Variants in CCNY observed in about 807,000 individuals in gnomAD.
CCNY encodes the protein cyclin-Y.
Under a neutral mutation model 42.8 loss-of-function variants are expected in CCNY, and 19 were observed. The ratio of observed to expected loss-of-function variants is 0.44; its 90% CI spans 0.31 to 0.65. CCNY has a LOEUF of 0.65. Among genes scored for constraint, CCNY ranks in the 30% least tolerant of loss-of-function variants. CCNY has a pLI of 0.07. For synonymous variants in CCNY, 165 were observed against 162.7 expected, an observed-to-expected ratio of 1.01 and a Z score of -0.11; for missense variants, 370 against 437.3, an observed-to-expected ratio of 0.85 and a Z score of 1.37.
chr10:35,368,413 GT>G (rs1836856035), intron 1 of CCNY, among the ~76,000 whole-genome samples: 1 of 152,174 alleles, frequency 6.6e-6, no homozygotes, highest in Non-Finnish European at 1.5e-5. Context: ...GCTTTTATTA[GT>G]TTTTCTAATG....
In CCNY at chr10:35,530,618, T is replaced by C. The variant is rs951426956; in HGVS notation, c.579+375T>C. 1.3e-5 allele frequency among the ~76,000 whole-genome samples: 2 copies of C among 152,186 alleles called. No individual in the cohort carries two copies. The highest frequency in any genetic ancestry group is 2.9e-5 in the Non-Finnish European group (2 of 68,032). ...CCTACAAAGATTGTAATAGTATTAGTAAGATATGATGAATACATTCATCTT... is the reference window on the plus strand; with the variant it reads ...CCTACAAAGATTGTAATAGTATTAGCAAGATATGATGAATACATTCATCTT... On this transcript the variant is annotated intron_variant, in intron 7 of 9. Transcript: ENST00000374704. The surrounding 1 kb of genome is among the most constrained non-coding windows in gnomAD (Gnocchi z 4.3).
chr10:35,447,587 A>G (rs2135307178), intron 1 of CCNY, among the ~76,000 whole-genome samples: 2 of 152,322 alleles, frequency 1.3e-5, no homozygotes, highest in South Asian at 4.1e-4. Context: ...TATAAATACA[A>G]TCTTAATTTC....
intron 1 of CCNY, among the ~76,000 whole-genome samples, chr10:35,445,271 C>A (rs565910845): frequency 6.6e-6 from 1 of 152,310 alleles, no homozygotes; most frequent in East Asian, 1.9e-4. Context: ...TAGAGCCATG[C>A]TGCCGCCCTG....
intron 1 of CCNY, among the ~76,000 whole-genome samples, chr10:35,399,689 A>G (rs570385265): frequency 1.2e-4 from 18 of 152,346 alleles, no homozygotes; most frequent in African/African-American, 4.3e-4. Context: ...AAAAATAAAC[A>G]TAAAAGATAA....
intron 1 of CCNY, among the ~76,000 whole-genome samples, chr10:35,479,846 G>C (rs1426195344): frequency 2.0e-5 from 3 of 152,064 alleles, no homozygotes; most frequent in Non-Finnish European, 2.9e-5. Flanking sequence ...GTAAACATTG[G>C]GGATATCATT....
At chr10:35,290,759 C>T (rs1484150081) in intron 3 of CCNY, among the ~76,000 whole-genome samples, 2 of 151,470 alleles carry the variant, frequency 1.3e-5, no homozygotes, top group Admixed American at 6.6e-5. Flanking sequence ...GTCAGGAGTT[C>T]GAAACCAGCA....
chr10:35,520,951 C>T (rs1287395418), intron 4 of CCNY, among the ~76,000 whole-genome samples: 2 of 152,172 alleles, frequency 1.3e-5, no homozygotes, highest in African/African-American at 2.4e-5. Flanking sequence ...GCCATACCAT[C>T]AGGGTCCTTG....
chr10:35,282,978 T>C (rs545348778), intron 3 of CCNY, among the ~76,000 whole-genome samples: 1 of 152,268 alleles, frequency 6.6e-6, no homozygotes, highest in East Asian at 1.9e-4. Context: ...CTGTATTCCT[T>C]TGATTACTGA....
chr10:35,526,352 GTTTAA>G (rs1446058360), intron 5 of CCNY, among the ~76,000 whole-genome samples: 10 of 152,112 alleles, frequency 6.6e-5, no homozygotes, highest in African/African-American at 2.4e-4. Flanking sequence ...AGGAAAAAAT[GTTTAA>G]TTTATAGTTT....
At chr10:35,450,961 A>C (rs1319079634) in intron 1 of CCNY, among the ~76,000 whole-genome samples, 1 of 152,140 alleles carries the variant, frequency 6.6e-6, no homozygotes, top group South Asian at 2.1e-4. Flanking sequence ...TGGTTTTAGA[A>C]TTAAACTCTA....
chr10:35,458,594 C>G (rs554043387), intron 1 of CCNY, among the ~76,000 whole-genome samples: 48 of 152,322 alleles, frequency 3.2e-4, no homozygotes, highest in African/African-American at 9.9e-4. Context: ...CGGTCCCTTT[C>G]CTCAGAAATT....
At chr10:35,353,854 A>G (rs1268152920) in intron 1 of CCNY, among the ~76,000 whole-genome samples, 1 of 152,230 alleles carries the variant, frequency 6.6e-6, no homozygotes, top group Non-Finnish European at 1.5e-5. Context: ...ACATTTAGTA[A>G]CTTAAAATAA....
intron 4 of CCNY, among the ~76,000 whole-genome samples, chr10:35,521,594 A>G (rs773961789): frequency 5.3e-5 from 8 of 152,188 alleles, no homozygotes; most frequent in Non-Finnish European, 1.0e-4. Context: ...CAGCACCTAC[A>G]TGGCTCCTGG....
In CCNY at chr10:35,297,850, C is replaced by G. The variant is rs149569691; in HGVS notation, c.-9+47224C>G. On this transcript the variant is annotated intron_variant, in intron 3 of 11. Coordinates refer to the CCNY transcript ENST00000374706. ...TCAAGGAAATCAGAGATGACTCAAA[C>G]AAATGGAAAAAACATTCCATGTTTG... 5.8e-3 allele frequency among the ~76,000 whole-genome samples: 887 copies of G among 152,140 alleles called. 7 individuals carry two copies. The highest frequency in any genetic ancestry group is 0.016 in the Admixed American group (238 of 15,286).
At position 35,419,533 on chromosome 10, in the gene CCNY, C is replaced by CTTTTTTTTTTTT. The variant is rs34429228; in HGVS notation, c.155-63867_155-63856dup. On this transcript the variant is annotated intron_variant, in intron 1 of 9. Coordinates refer to ENST00000374704, the MANE Select transcript of CCNY (RefSeq NM_145012.6). ...AGGACTGGGTTGCATTAGACCGTTC[C>CTTTTTTTTTTTT]TTTTTTTTTTTTTTTAGCAATCTGG... Among the ~76,000 whole-genome samples the CTTTTTTTTTTTT allele has an allele frequency of 2.4e-4, 31 of 129,678 alleles. 2 individuals are homozygous for CTTTTTTTTTTTT. Among genetic ancestry groups the CTTTTTTTTTTTT allele is most frequent in the East Asian group, 1.1e-3 (5 of 4,628 alleles). The allele number at this position is 129,678 out of a possible 152,430, so 85.1% of individuals were successfully genotyped here. A position where few individuals can be genotyped will look rare whatever the true frequency, so the allele number is the denominator to read the frequency against.
chr10:35,521,500 G>A (rs570540243), intron 4 of CCNY, among the ~76,000 whole-genome samples: 3 of 152,340 alleles, frequency 2.0e-5, no homozygotes, highest in African/African-American at 7.2e-5. Flanking sequence ...GAGGCCTTAG[G>A]CACTTGTCTG....
At chr10:35,474,937 C>T (rs1341161983) in intron 1 of CCNY, among the ~76,000 whole-genome samples, 2 of 151,210 alleles carry the variant, frequency 1.3e-5, no homozygotes, top group Non-Finnish European at 3.0e-5. Context: ...ATAACCAATA[C>T]AGAGAAGTGC....
intron 1 of CCNY, among the ~76,000 whole-genome samples, chr10:35,437,652 ACT>A (rs1838567852): frequency 6.6e-6 from 1 of 151,780 alleles, no homozygotes; most frequent in Non-Finnish European, 1.5e-5. Context: ...ACAGAGCCAG[ACT>A]CTGTCTCAAA....
At chr10:35,425,576 G>A (rs1417907768) in intron 1 of CCNY, among the ~76,000 whole-genome samples, 1 of 152,170 alleles carries the variant, frequency 6.6e-6, no homozygotes, top group Non-Finnish European at 1.5e-5. Flanking sequence ...ATATGGAAAG[G>A]TATCCAAAAA....
Sources: gnomAD v4.1 joint callset for allele counts (sites outside exome capture counted in the v4.1 genomes callset) on GRCh38, gnomAD v4.1.1 for gene constraint, Gnocchi (gnomAD v3.1) non-coding constraint, MANE v1.5 for transcripts, NCBI Gene and HGNC (gene_info 2026-07-23, HGNC 2026-07-21) for gene names.